The following KIF16B variants were observed in gnomAD, a reference collection of about 807,000 sequenced individuals.
KIF16B encodes kinesin-like protein KIF16B.
Under a neutral mutation model 156.3 loss-of-function variants are expected in KIF16B, and 98 were observed. That is an observed-to-expected ratio of 0.63 (90% CI 0.53 to 0.74). The LOEUF (loss-of-function observed/expected upper bound fraction) is 0.74. Ranked by LOEUF, KIF16B falls within the 30% of genes least tolerant of loss-of-function variation. The pLI is 0.00. For synonymous variants in KIF16B, 564 were observed against 583.7 expected, an observed-to-expected ratio of 0.97 and a Z score of 0.49; for missense variants, 1,421 against 1,606.5, an observed-to-expected ratio of 0.88 and a Z score of 1.97.
intron 12 of KIF16B, among the ~76,000 whole-genome samples, chr20:16,450,850 A>T (rs551425474): frequency 6.6e-6 from 1 of 152,302 alleles, no homozygotes; most frequent in South Asian, 2.1e-4. Context: ...AACCAAAGAG[A>T]CTTGAATGTG....
At chr20:16,486,416 C>T (rs995626236) in intron 12 of KIF16B, among the ~76,000 whole-genome samples, 22 of 152,134 alleles carry the variant, frequency 1.4e-4, no homozygotes, top group Admixed American at 5.2e-4. Context: ...TTAATTGGAA[C>T]GTTAGCATGT....
At chr20:16,494,601 T>C (rs1409640368) in intron 11 of KIF16B, among the ~76,000 whole-genome samples, 1 of 152,222 alleles carries the variant, frequency 6.6e-6, no homozygotes, top group African/African-American at 2.4e-5. Flanking sequence ...AACTGCCTTT[T>C]TCATGGTGTA....
chr20:16,299,671 T>C (rs1176920964), intron 25 of KIF16B, among the ~76,000 whole-genome samples: 1 of 152,198 alleles, frequency 6.6e-6, no homozygotes, highest in Non-Finnish European at 1.5e-5. Flanking sequence ...CACATTTCCA[T>C]GAAAAATTCT....
chr20:16,518,644 T>C (rs1389569362), intron 3 of KIF16B, among the ~76,000 whole-genome samples: 2 of 152,242 alleles, frequency 1.3e-5, no homozygotes, highest in Non-Finnish European at 1.5e-5. Context: ...AGACCTTGTT[T>C]AATGATCTTT....
intron 17 of KIF16B, among the ~76,000 whole-genome samples, chr20:16,395,875 T>C (rs1036294576): frequency 1.3e-5 from 2 of 152,136 alleles, no homozygotes; most frequent in Non-Finnish European, 1.5e-5. Flanking sequence ...AAGGATAGTC[T>C]CATCTATCAG....
At chr20:16,363,432 T>C (rs1428137079) in intron 22 of KIF16B, among the ~76,000 whole-genome samples, 1 of 152,212 alleles carries the variant, frequency 6.6e-6, no homozygotes, top group African/African-American at 2.4e-5. Flanking sequence ...GAGTCTTATC[T>C]GTAATAGAGC....
chr20:16,532,570 C>G lies in KIF16B; in HGVS notation c.48-4130G>C, dbSNP rs182552564. ...AAACCTTTCCTACAGCATTCAATTA[C>G]CAAAGCATGTCCTGCTCAACAAGAG... On this transcript the variant is annotated intron_variant, in intron 1 of 25. Coordinates refer to ENST00000354981, the MANE Select transcript of KIF16B (RefSeq NM_024704.5). Among the ~76,000 whole-genome samples the G allele has an allele frequency of 1.9e-3, 296 of 152,328 alleles. 1 individual carries two copies. The highest frequency in any genetic ancestry group is 0.017 in the South Asian group (80 of 4,830).
intron 12 of KIF16B, among the ~76,000 whole-genome samples, chr20:16,489,945 C>T (rs1414099430): frequency 6.6e-6 from 1 of 152,004 alleles, no homozygotes; most frequent in Non-Finnish European, 1.5e-5. Context: ...AATGCACAAT[C>T]ATACAAGAGC....
At chr20:16,385,510 T>C (rs2065208908) in intron 17 of KIF16B, among the ~76,000 whole-genome samples, 4 of 152,138 alleles carry the variant, frequency 2.6e-5, no homozygotes, top group Admixed American at 2.6e-4. Flanking sequence ...ATGAACAAGT[T>C]ATTTAACCTT....
At chr20:16,547,718 T>C (rs957674892) in intron 1 of KIF16B, among the ~76,000 whole-genome samples, 1 of 152,066 alleles carries the variant, frequency 6.6e-6, no homozygotes, top group Non-Finnish European at 1.5e-5. Context: ...CAGGAAGAAA[T>C]AGCAACACTC....
At position 16,336,023 on chromosome 20, in the gene KIF16B, C is replaced by A. The variant is rs1473154365; in HGVS notation, c.3622-8G>T. The A allele has an allele frequency of 1.3e-6, 2 of 1,533,212 alleles. No individual in the cohort carries two copies. The highest frequency in any genetic ancestry group is 2.4e-5 in the South Asian group (2 of 83,388). 95.0% of individuals were successfully genotyped at this position (1,533,212 alleles called of 1,614,324 possible). A position where few individuals can be genotyped will look rare whatever the true frequency, so the allele number is the denominator to read the frequency against. On this transcript the variant is annotated splice_region_variant and splice_polypyrimidine_tract_variant and intron_variant, in intron 23 of 25. Coordinates refer to ENST00000354981, the MANE Select transcript of KIF16B (RefSeq NM_024704.5). ...CTCATCTAGGACAGTAATCTATTAA[C>A]CAGGAAAACCAAAATGAATAAGCAT...
chr20:16,278,917 C>G (rs2063104243), intron 25 of KIF16B, among the ~76,000 whole-genome samples: 1 of 152,164 alleles, frequency 6.6e-6, no homozygotes, highest in South Asian at 2.1e-4. Flanking sequence ...CACTGCCTTT[C>G]CTAGGCCTGA....
At chr20:16,346,458 G>C (rs2064236986) in intron 23 of KIF16B, among the ~76,000 whole-genome samples, 1 of 152,156 alleles carries the variant, frequency 6.6e-6, no homozygotes, top group South Asian at 2.1e-4. Context: ...TCAGGCTTGT[G>C]AACCTGGTCC....
At chr20:16,439,245 C>T (rs1196894013) in intron 12 of KIF16B, among the ~76,000 whole-genome samples, 1 of 152,180 alleles carries the variant, frequency 6.6e-6, no homozygotes, top group African/African-American at 2.4e-5. Flanking sequence ...ACCTTCACAG[C>T]CTGCCTGAAT....
intron 1 of KIF16B, among the ~76,000 whole-genome samples, chr20:16,569,075 C>T (rs2071366230): frequency 2.0e-5 from 3 of 152,022 alleles, no homozygotes; most frequent in Non-Finnish European, 4.4e-5. Context: ...TCTGTTTGCT[C>T]CTGCCACGTG....
intron 24 of KIF16B, among the ~76,000 whole-genome samples, chr20:16,326,960 TTATA>T (rs144605179): frequency 2.0e-5 from 3 of 147,526 alleles, no homozygotes; most frequent in African/African-American, 7.5e-5. Context: ...AAAGAAAATG[TTATA>T]TATATATATA....
At position 16,336,000 on chromosome 20, in the gene KIF16B, C is replaced by T. The variant is rs772299075; in HGVS notation, c.3637G>A (p.Glu1213Lys). ...EFEVKITVLD[E>K]TWTVFRRYSR... Reference sequence around the variant, plus strand: ...TAACGCCTGAATACAGTCCATGTCTCATCTAGGACAGTAATCTATTAACCA... The same window carrying T: ...TAACGCCTGAATACAGTCCATGTCTTATCTAGGACAGTAATCTATTAACCA... Residue 1213 changes from glutamate (E) to lysine (K), a missense_variant, in exon 24 of 26, where the codon GAG (glutamate) becomes AAG (lysine). Coordinates refer to ENST00000354981, the MANE Select transcript of KIF16B (RefSeq NM_024704.5). The T allele has an allele frequency of 6.9e-6, 11 of 1,599,952 alleles. No homozygotes were observed. Among genetic ancestry groups the T allele is most frequent in the Non-Finnish European group, 7.7e-6 (9 of 1,172,034 alleles).
At chr20:16,481,053 A>G (rs1055768312) in intron 12 of KIF16B, among the ~76,000 whole-genome samples, 1 of 151,766 alleles carries the variant, frequency 6.6e-6, no homozygotes, top group Non-Finnish European at 1.5e-5. Flanking sequence ...GTGCTTTCCA[A>G]CTCTTCTGAG....
At chr20:16,391,603 G>C (rs1295168689) in intron 17 of KIF16B, among the ~76,000 whole-genome samples, 1 of 152,240 alleles carries the variant, frequency 6.6e-6, no homozygotes, top group Non-Finnish European at 1.5e-5. Context: ...TGGCCATGAA[G>C]ATGCATCTGG....
Sources: gnomAD v4.1 joint callset for allele counts (sites outside exome capture counted in the v4.1 genomes callset) on GRCh38, gnomAD v4.1.1 for gene constraint, MANE v1.5 for transcripts, NCBI Gene and HGNC (gene_info 2026-07-23, HGNC 2026-07-21) for gene names.